Variants in LRRK1 observed in about 807,000 individuals in gnomAD.
LRRK1 encodes the protein leucine-rich repeat serine/threonine-protein kinase 1.
A neutral mutation model predicts 209.1 loss-of-function variants in LRRK1; 113 were observed. The ratio of observed to expected loss-of-function variants is 0.54; its 90% CI spans 0.46 to 0.63. The LOEUF is 0.63. Ranked by LOEUF, LRRK1 falls within the 30% of genes least tolerant of loss-of-function variation. LRRK1 has a pLI of 0.00. For missense variants in LRRK1, 2,284 were observed against 2,632.2 expected, an observed-to-expected ratio of 0.87 and a Z score of 2.89; for synonymous variants, 1,144 against 1,099.7, an observed-to-expected ratio of 1.04 and a Z score of -0.80.
At chr15:100,961,889 G>C (rs1161673114) in intron 2 of LRRK1, among the ~76,000 whole-genome samples, 2 of 152,140 alleles carry the variant, frequency 1.3e-5, no homozygotes, top group Non-Finnish European at 2.9e-5. Context: ...ACAGCATCCG[G>C]CAGGACTCAA....
chr15:101,053,272 C>T lies in LRRK1; in HGVS notation c.3906C>T (p.Ser1302=), dbSNP rs1444094286. The change falls in exon 26 of 34, where the codon TCC becomes TCT. Residue 1302 remains serine, a synonymous_variant. Transcript: ENST00000388948. ...CCACCGATGCCATGAAGAACTTCTCCGAGTTCCGGCAGGAGGCCAGCATGC... is the reference window on the plus strand; with the variant it reads ...CCACCGATGCCATGAAGAACTTCTCTGAGTTCCGGCAGGAGGCCAGCATGC... The part of the protein sequence containing the change: ...LRATDAMKNF[S]EFRQEASMLH... 2.5e-6 allele frequency: 4 copies of T among 1,606,936 alleles called. No homozygotes were observed. Among genetic ancestry groups the T allele is most frequent in the South Asian group, 1.1e-5 (1 of 91,076 alleles).
In LRRK1 at chr15:101,045,321, A is replaced by T. The variant is rs146475371; in HGVS notation, c.2964-660A>T. Among the ~76,000 whole-genome samples the T allele has an allele frequency of 4.3e-4, 66 of 152,318 alleles. 4 individuals are homozygous for T. In the East Asian group the frequency reaches 7.5e-3, roughly 17 times the overall value. On this transcript the variant is annotated intron_variant, in intron 20 of 33. Transcript: ENST00000388948. ...GTCCAGTGCCTGCCCCCGCAGCCCC[A>T]CAGGATGCAGCCGTTGCTGGTTTTC... is the stretch of plus-strand genomic sequence containing the variant.
At chr15:100,953,762 TTTTC>T (rs2042701886) in intron 2 of LRRK1, among the ~76,000 whole-genome samples, 1 of 152,144 alleles carries the variant, frequency 6.6e-6, no homozygotes, top group African/African-American at 2.4e-5. Flanking sequence ...CCTTCATACT[TTTTC>T]CCATAATGGC....
intron 2 of LRRK1, among the ~76,000 whole-genome samples, chr15:100,969,097 T>C (rs981190032): frequency 1.2e-4 from 18 of 152,156 alleles, no homozygotes; most frequent in African/African-American, 4.1e-4. Context: ...ACCTTGGCCT[T>C]CCAAATTGCT....
chr15:100,950,393 A>C (rs558477186), intron 2 of LRRK1, among the ~76,000 whole-genome samples: 1 of 152,372 alleles, frequency 6.6e-6, no homozygotes, highest in African/African-American at 2.4e-5. Flanking sequence ...TGGAAGACTT[A>C]ATAATGGTAA....
rs1253802771 is a variant in LRRK1, at chr15:101,062,596, C to T, written c.4820C>T (p.Thr1607Ile). ...ATEDQKIYIY[T>I]LKGMCPLNTP... ...CAGGACCAGAAAATCTACATCTACA[C>T]CCTCAAGGGCATGTGCCCCTTAAAC... The change falls in exon 31 of 34, where the codon ACC becomes ATC. Residue 1607 changes from threonine (T) to isoleucine (I), a missense_variant. By Grantham distance (89) the Thr-to-Ile change is moderately conservative. Transcript: ENST00000388948. 8.1e-6 allele frequency: 13 copies of T among 1,613,762 alleles called. No homozygotes were observed. Among genetic ancestry groups the T allele is most frequent in the African/African-American group, 2.7e-5 (2 of 74,942 alleles).
At chr15:101,005,804 T>C (rs2032922003) in intron 6 of LRRK1, among the ~76,000 whole-genome samples, 1 of 102,258 alleles carries the variant, frequency 9.8e-6, no homozygotes, top group Non-Finnish European at 1.8e-5. Context: ...ATAATGATAC[T>C]TGGGAAAAAA....
chr15:101,037,517 G>A (rs903355077), intron 20 of LRRK1, among the ~76,000 whole-genome samples: 2 of 152,192 alleles, frequency 1.3e-5, no homozygotes, highest in Admixed American at 6.5e-5. Flanking sequence ...ATGGTAGGCA[G>A]GAGTGAAGTG....
intron 6 of LRRK1, among the ~76,000 whole-genome samples, chr15:100,994,294 G>A (rs547410834): frequency 1.1e-4 from 16 of 152,290 alleles, no homozygotes; most frequent in African/African-American, 3.1e-4. Flanking sequence ...TCACATAGAC[G>A]AATGATTCTC....
At chr15:100,953,177 T>G (rs2042689048) in intron 2 of LRRK1, among the ~76,000 whole-genome samples, 1 of 152,198 alleles carries the variant, frequency 6.6e-6, no homozygotes, top group South Asian at 2.1e-4. Flanking sequence ...ATTTCAAGTA[T>G]ACAATTCAGT....
intron 23 of LRRK1, among the ~76,000 whole-genome samples, chr15:101,050,970 C>CA (rs1385669249): frequency 1.3e-5 from 2 of 152,194 alleles, no homozygotes; most frequent in East Asian, 3.8e-4. Flanking sequence ...ACAGGTGGGT[C>CA]CCTTAGACAG....
intron 20 of LRRK1, among the ~76,000 whole-genome samples, chr15:101,034,238 G>A (rs1419474223): frequency 6.6e-6 from 1 of 152,188 alleles, no homozygotes; most frequent in Non-Finnish European, 1.5e-5. Flanking sequence ...TTCCTATGCA[G>A]TGAAGAAGCC....
chr15:101,053,676 C>T (rs945995062), intron 26 of LRRK1, among the ~76,000 whole-genome samples: 2 of 152,352 alleles, frequency 1.3e-5, no homozygotes, highest in Middle Eastern at 3.4e-3. Context: ...TCCGGAAAGC[C>T]GCTGAGTTTA....
Position 101,069,849 on chromosome 15 carries a change from G to A in LRRK1, c.*1001G>A, listed in dbSNP as rs2036722374. 1 of 152,444 alleles carries A rather than the reference G, an allele frequency of 6.6e-6. No homozygotes were observed. Among genetic ancestry groups the A allele is most frequent in the Non-Finnish European group, 1.5e-5 (1 of 68,052 alleles). The allele number at this position is 152,444 out of a possible 1,614,324, so 9.4% of individuals were successfully genotyped here. On this transcript the variant is annotated 3_prime_UTR_variant, in exon 34 of 34. Coordinates refer to ENST00000388948, the MANE Select transcript of LRRK1 (RefSeq NM_024652.6). ...CCACAGGGGATTTATGGATACAACA[G>A]CAAACATTTTATAAACTATGCACAT... is the stretch of plus-strand genomic sequence containing the variant.
chr15:101,015,391 G>A lies in LRRK1; in HGVS notation c.1598G>A (p.Gly533Glu). The A allele has an allele frequency of 1.9e-6, 3 of 1,613,138 alleles. No individual in the cohort carries two copies. The highest frequency in any genetic ancestry group is 8.5e-7 in the Non-Finnish European group (1 of 1,179,462). ...FFTTRGRQRS[G>E]TEAASVLEFP... ...ACCACCAGAGGTCGCCAGCGCTCCG[G>A]GACTGAGGCAGGTGTGTGTGGGTTG... The change falls in exon 12 of 34, where the codon GGG (glycine) becomes GAG (glutamate). Residue 533 changes from glycine (G) to glutamate (E), a missense_variant. Transcript: ENST00000388948.
chr15:101,066,261 G>C (rs2036526431), intron 32 of LRRK1, 56 bp downstream of exon 32: 1 of 1,542,690 alleles, frequency 6.5e-7, no homozygotes, highest in Admixed American at 1.8e-5. Context: ...TCCTGCTCTG[G>C]GGACAGAGCA....
chr15:101,055,244 G>GCCCAGC (rs768572632), intron 27 of LRRK1, 21 bp downstream of exon 27: 1 of 1,524,296 alleles, frequency 6.6e-7, no homozygotes, highest in Admixed American at 2.1e-5. Context: ...GGATCCCCTG[G>GCCCAGC]CCCAGCCCCA....
intron 2 of LRRK1, among the ~76,000 whole-genome samples, chr15:100,973,490 T>A (rs1388972177): frequency 1.3e-5 from 2 of 151,862 alleles, no homozygotes; most frequent in East Asian, 3.9e-4. Context: ...CCTCCGCTGC[T>A]GTCGGCGAGG....
At chr15:101,019,769 G>A (rs926996840) in intron 12 of LRRK1, among the ~76,000 whole-genome samples, 1 of 152,138 alleles carries the variant, frequency 6.6e-6, no homozygotes, top group Non-Finnish European at 1.5e-5. Context: ...TGAATTCTCC[G>A]AGCTCCCAGG....
Sources: allele counts gnomAD v4.1 joint callset (sites outside exome capture counted in the v4.1 genomes callset), GRCh38; gene constraint gnomAD v4.1.1; transcripts MANE v1.5; gene names NCBI Gene and HGNC (gene_info 2026-07-23, HGNC 2026-07-21).